Variants in SLC36A1 observed in about 807,000 individuals in gnomAD.
SLC36A1 encodes solute carrier family 36 member 1.
In SLC36A1, 30 loss-of-function variants were observed where a neutral mutation model predicts 47.5. The ratio of observed to expected loss-of-function variants is 0.63; its 90% confidence interval spans 0.47 to 0.86. SLC36A1 has a LOEUF of 0.86. SLC36A1 is among the 40% of genes least tolerant of loss of function. The pLI is 0.00. For synonymous variants in SLC36A1, 255 were observed against 249.7 expected (o/e 1.02, Z -0.20); for missense variants, 517 against 606.0 (o/e 0.85, Z 1.54).
chr5:151,465,387 G>C (rs1475484720), intron 5 of SLC36A1, among the ~76,000 whole-genome samples: 3 of 152,148 alleles, frequency 2.0e-5, no homozygotes, highest in Admixed American at 6.5e-5. Flanking sequence ...GGAAAGCATG[G>C]GGCCTGGCCT....
chr5:151,349,152 T>G, the SLC36A1 span, among the ~76,000 whole-genome samples: 1 of 152,138 alleles, frequency 6.6e-6, no homozygotes, highest in Non-Finnish European at 1.5e-5. Flanking sequence ...TCGAGCAAGG[T>G]CAGTAATAAG....
chr5:151,467,883 C>G lies in SLC36A1; in HGVS notation c.681C>G (p.Thr227=). The change falls in exon 7 of 11, where the codon ACC becomes ACG. Residue 227 remains threonine (T), a synonymous_variant. Transcript: ENST00000243389. ...TCTTCTCCCTGTTGGCCAACATCAC[C>G]ATGCTGGTCAGCTTGGTCATGATCT... The part of the protein sequence containing the change: ...LSIFSLLANI[T]MLVSLVMIYQ... The G allele has an allele frequency of 6.2e-7, 1 of 1,613,926 alleles. No individual in the cohort carries two copies. Among genetic ancestry groups the G allele is most frequent in the Non-Finnish European group, 8.5e-7 (1 of 1,179,998 alleles).
chr5:151,554,512 C>T, the SLC36A1 span: 2 of 1,614,210 alleles, frequency 1.2e-6, no homozygotes, highest in Non-Finnish European at 1.7e-6. Flanking sequence ...AAGCCACCAG[C>T]CTGTACACAG....
chr5:151,510,325 G>T, the SLC36A1 span: 1 of 851,008 alleles, frequency 1.2e-6, no homozygotes. Flanking sequence ...GCTGGGCATT[G>T]GTGCCCTGCT....
upstream of SLC36A1, among the ~76,000 whole-genome samples, chr5:151,434,313 AAGAGT>A (rs1257282963): frequency 6.6e-6 from 1 of 152,228 alleles, no homozygotes; most frequent in Non-Finnish European, 1.5e-5. Flanking sequence ...AGATACTCTG[AAGAGT>A]AATCAGGTGA....
chr5:151,544,361 C>G, the SLC36A1 span: 1 of 1,614,186 alleles, frequency 6.2e-7, no homozygotes, highest in Non-Finnish European at 8.5e-7. Context: ...TCCACTGTGG[C>G]TTCAGAAAAT....
At chr5:151,415,825 G>C in the SLC36A1 span, among the ~76,000 whole-genome samples, 1 of 152,106 alleles carries the variant, frequency 6.6e-6, no homozygotes, top group African/African-American at 2.4e-5. Context: ...ACAGAGTCAG[G>C]CTGGGCACAG....
chr5:151,532,940 T>C, the SLC36A1 span, among the ~76,000 whole-genome samples: 2 of 152,224 alleles, frequency 1.3e-5, no homozygotes, highest in East Asian at 3.8e-4. Context: ...GCCATGCAAC[T>C]TCCCCATATT....
intron 1 of SLC36A1, among the ~76,000 whole-genome samples, chr5:151,449,099 A>G (rs1469060160): frequency 1.3e-5 from 2 of 152,182 alleles, no homozygotes; most frequent in African/African-American, 2.4e-5. Context: ...CCCGCTGTGT[A>G]CACTGAGTAT....
chr5:151,457,703 T>TA (rs989495701), intron 1 of SLC36A1, among the ~76,000 whole-genome samples: 4 of 152,080 alleles, frequency 2.6e-5, no homozygotes, highest in African/African-American at 9.7e-5. Context: ...GTATAAGAGT[T>TA]ACTGGTGGCC....
chr5:151,505,303 TC>T, the SLC36A1 span: 1 of 538,080 alleles, frequency 1.9e-6, no homozygotes, highest in Middle Eastern at 4.9e-4. Context: ...AGTCAATTGT[TC>T]CTGGTTTTCC....
At chr5:151,367,362 T>TA in the SLC36A1 span, among the ~76,000 whole-genome samples, 63 of 54,944 alleles carry the variant, frequency 1.1e-3, no homozygotes, top group African/African-American at 3.5e-3. Context: ...CAGGAATGCA[T>TA]TTTTTTTTTT....
chr5:151,444,369 A>G (rs958255794), upstream of SLC36A1, among the ~76,000 whole-genome samples: 6 of 152,104 alleles, frequency 3.9e-5, no homozygotes, highest in African/African-American at 1.4e-4. Flanking sequence ...TTTTCAGTGT[A>G]CACCCTATTC....
the SLC36A1 span, among the ~76,000 whole-genome samples, chr5:151,423,406 A>C: frequency 1.3e-5 from 2 of 152,366 alleles, no homozygotes; most frequent in East Asian, 3.9e-4. Flanking sequence ...CGGTAAGTGA[A>C]TGGATAAATA....
At chr5:151,446,454 C>A (rs574878875), upstream of SLC36A1, among the ~76,000 whole-genome samples, 1 of 152,162 alleles carries the variant, frequency 6.6e-6, no homozygotes, top group African/African-American at 2.4e-5. Context: ...CGCTTGAATC[C>A]AGGAGGCAGA....
chr5:151,549,263 C>T, the SLC36A1 span: 7 of 1,600,088 alleles, frequency 4.4e-6, no homozygotes, highest in Non-Finnish European at 6.0e-6. Context: ...GCATCTTGAC[C>T]CATCCTCTGA....
chr5:151,501,063 G>A, the SLC36A1 span, among the ~76,000 whole-genome samples: 3 of 152,168 alleles, frequency 2.0e-5, no homozygotes, highest in Non-Finnish European at 4.4e-5. Flanking sequence ...ACTGGGTGTC[G>A]GACCTGCCTT....
chr5:151,497,924 A>G, the SLC36A1 span, among the ~76,000 whole-genome samples: 1 of 148,400 alleles, frequency 6.7e-6, no homozygotes, highest in African/African-American at 2.5e-5. Context: ...ACCTACCTTT[A>G]GCTGGGGGGA....
the SLC36A1 span, among the ~76,000 whole-genome samples, chr5:151,379,456 C>A: frequency 1.3e-5 from 2 of 152,246 alleles, no homozygotes; most frequent in African/African-American, 4.8e-5. Flanking sequence ...GCCTCAGCCT[C>A]CCAAGTAGCT....
Sources: allele counts gnomAD v4.1 joint callset (sites outside exome capture counted in the v4.1 genomes callset), GRCh38; gene constraint gnomAD v4.1.1; transcripts MANE v1.5; gene names NCBI Gene and HGNC (gene_info 2026-07-23, HGNC 2026-07-21).